Variants in CPA6 observed in about 807,000 individuals in gnomAD.
CPA6 encodes carboxypeptidase B.
A neutral mutation model predicts 63.3 loss-of-function variants in CPA6; 58 were observed. The ratio of observed to expected loss-of-function variants is 0.92; its 90% confidence interval spans 0.74 to 1.14. The LOEUF is 1.14. Ranked by LOEUF, CPA6 falls within the 50% of genes most tolerant of loss-of-function variation. CPA6 has a pLI of 0.00. For synonymous variants in CPA6, 185 were observed against 179.0 expected (o/e 1.03, Z -0.27); for missense variants, 565 against 526.6 (o/e 1.07, Z -0.71).
At chr8:67,608,607 G>A (rs770474806) in intron 2 of CPA6, among the ~76,000 whole-genome samples, 2 of 152,100 alleles carry the variant, frequency 1.3e-5, no homozygotes, top group East Asian at 3.9e-4. Flanking sequence ...CAAGAGGGCG[G>A]GGTATAAAAA....
intron 2 of CPA6, among the ~76,000 whole-genome samples, chr8:67,555,124 C>A (rs1397530013): frequency 6.6e-6 from 1 of 152,148 alleles, no homozygotes; most frequent in Admixed American, 6.5e-5. Context: ...TGGTTTTTGT[C>A]CCCAGTTCCT....
intron 2 of CPA6, among the ~76,000 whole-genome samples, chr8:67,616,323 G>A (rs1814946407): frequency 1.3e-5 from 2 of 152,132 alleles, no homozygotes; most frequent in Non-Finnish European, 2.9e-5. Context: ...AGATCACTCT[G>A]ACTACAGTAT....
At chr8:67,430,171 G>GTGTGTATA (rs1225024769) in intron 9 of CPA6, among the ~76,000 whole-genome samples, 2 of 104,854 alleles carry the variant, frequency 1.9e-5, no homozygotes, top group African/African-American at 8.1e-5. Context: ...GTGTGTGTGT[G>GTGTGTATA]TATATATTTT....
chr8:67,566,589 C>T (rs750719728), intron 2 of CPA6, among the ~76,000 whole-genome samples: 1 of 152,214 alleles, frequency 6.6e-6, no homozygotes, highest in Non-Finnish European at 1.5e-5. Context: ...TCTGCTGTCT[C>T]CTGACTTCCA....
At chr8:67,715,197 C>T (rs926486510) in intron 1 of CPA6, among the ~76,000 whole-genome samples, 5 of 152,172 alleles carry the variant, frequency 3.3e-5, no homozygotes, top group African/African-American at 1.2e-4. Context: ...TAGCTCAGAC[C>T]CTGCCACAGG....
chr8:67,543,177 A>T (rs778527187), intron 2 of CPA6, among the ~76,000 whole-genome samples: 2 of 152,298 alleles, frequency 1.3e-5, no homozygotes, highest in Non-Finnish European at 2.9e-5. Context: ...ATTTTCTGGG[A>T]TGCATATACT....
intron 2 of CPA6, among the ~76,000 whole-genome samples, chr8:67,550,590 C>T (rs560143396): frequency 6.6e-6 from 1 of 152,226 alleles, no homozygotes; most frequent in East Asian, 1.9e-4. Context: ...AATGGTAGTC[C>T]TAAGTTCTCT....
At chr8:67,610,211 C>T (rs1307927743) in intron 2 of CPA6, among the ~76,000 whole-genome samples, 1 of 152,006 alleles carries the variant, frequency 6.6e-6, no homozygotes, top group Admixed American at 6.6e-5. Flanking sequence ...TCTGACTCTA[C>T]AAAAAACTTT....
At chr8:67,429,834 T>C (rs562675305) in intron 9 of CPA6, among the ~76,000 whole-genome samples, 30 of 152,264 alleles carry the variant, frequency 2.0e-4, no homozygotes, top group African/African-American at 7.0e-4. Context: ...AAAAAAAAGA[T>C]AATCACTTTG....
chr8:67,670,697 A>G (rs1456808704), intron 1 of CPA6, among the ~76,000 whole-genome samples: 1 of 152,230 alleles, frequency 6.6e-6, no homozygotes, highest in Non-Finnish European at 1.5e-5. Flanking sequence ...TATAGTATCT[A>G]TTAACAGTCG....
intron 8 of CPA6, among the ~76,000 whole-genome samples, chr8:67,448,505 G>A (rs138320658): frequency 0.011 from 1,624 of 151,166 alleles, 21 homozygotes; most frequent in African/African-American, 0.037. Flanking sequence ...GGTGGTGTGC[G>A]CCTGTGGTCC....
At chr8:67,626,422 A>T (rs1815195634) in intron 1 of CPA6, among the ~76,000 whole-genome samples, 1 of 152,172 alleles carries the variant, frequency 6.6e-6, no homozygotes, top group Non-Finnish European at 1.5e-5. Context: ...CTTGCTGATA[A>T]TAAATTACTG....
chr8:67,607,084 TTCC>T (rs1814657326), intron 2 of CPA6, among the ~76,000 whole-genome samples: 1 of 151,458 alleles, frequency 6.6e-6, no homozygotes, highest in Admixed American at 6.6e-5. Flanking sequence ...CTTCTTCTTC[TTCC>T]TCTTCTTCTT....
intron 1 of CPA6, among the ~76,000 whole-genome samples, chr8:67,708,922 C>T (rs1432099951): frequency 6.6e-6 from 1 of 152,096 alleles, no homozygotes; most frequent in South Asian, 2.1e-4. Context: ...TATAATGTCT[C>T]TCTAAAATAA....
chr8:67,683,509 AACTCCT>A (rs1816642918), intron 1 of CPA6, among the ~76,000 whole-genome samples: 1 of 152,086 alleles, frequency 6.6e-6, no homozygotes, highest in South Asian at 2.1e-4. Context: ...ATGCAATTCA[AACTCCT>A]ACTCTGACAT....
intron 1 of CPA6, among the ~76,000 whole-genome samples, chr8:67,651,731 AT>A (rs200618980): frequency 6.8e-4 from 104 of 151,946 alleles, no homozygotes; most frequent in Admixed American, 1.7e-3. Context: ...GAGCTATTCT[AT>A]TTTTTTTTAA....
intron 1 of CPA6, among the ~76,000 whole-genome samples, chr8:67,696,482 A>C (rs186017183): frequency 5.2e-4 from 79 of 152,348 alleles, no homozygotes; most frequent in African/African-American, 1.6e-3. Context: ...TATGTTTAAC[A>C]TACATTTACT....
intron 1 of CPA6, among the ~76,000 whole-genome samples, chr8:67,708,285 T>A (rs1007245158): frequency 3.2e-4 from 49 of 152,332 alleles, no homozygotes; most frequent in African/African-American, 1.1e-3. Flanking sequence ...AAGGCTAAAG[T>A]TTATTCTGCA....
At chr8:67,684,043 ATTTAT>A (rs1816655752) in intron 1 of CPA6, among the ~76,000 whole-genome samples, 1 of 130,174 alleles carries the variant, frequency 7.7e-6, no homozygotes, top group East Asian at 2.2e-4. Context: ...TTTTTATTTT[ATTTAT>A]TTATTTATTT....
Sources: gnomAD v4.1 joint callset for allele counts (sites outside exome capture counted in the v4.1 genomes callset) on GRCh38, gnomAD v4.1.1 for gene constraint, MANE v1.5 for transcripts, NCBI Gene and HGNC (gene_info 2026-07-23, HGNC 2026-07-21) for gene names.